IL1RN: variants seen among roughly 807,000 people sequenced by gnomAD.
The protein encoded by IL1RN is interleukin 1 receptor antagonist, also known as interleukin-1 receptor antagonist protein.
In IL1RN, 10 loss-of-function variants were observed where a neutral mutation model predicts 13.7. That is an observed-to-expected ratio of 0.73 (90% confidence interval 0.45 to 1.24). The LOEUF is 1.24. Among genes scored for constraint, IL1RN ranks in the 50% most tolerant of loss-of-function variants. The pLI is 0.00. For synonymous variants in IL1RN, 102 were observed against 82.7 expected, an observed-to-expected ratio of 1.23 and a Z score of -1.27; for missense variants, 213 against 222.1, an observed-to-expected ratio of 0.96 and a Z score of 0.26.
chr2:113,129,488 A>C (rs1573305126), intron 1 of IL1RN, 88 bp from the exon 2 acceptor site: 1 of 837,762 alleles, frequency 1.2e-6, no homozygotes, highest in Non-Finnish European at 2.1e-6. Context: ...TGCAAATTTG[A>C]CAAGTTCTGG....
At chr2:113,102,071 A>G in the IL1RN span, among the ~76,000 whole-genome samples, 1 of 152,052 alleles carries the variant, frequency 6.6e-6, no homozygotes, top group Admixed American at 6.6e-5. Flanking sequence ...CCCGCCCGAG[A>G]CTTTTTTTCT....
upstream of IL1RN, among the ~76,000 whole-genome samples, chr2:113,124,911 G>A (rs1376352848): frequency 6.6e-6 from 1 of 152,136 alleles, no homozygotes; most frequent in Non-Finnish European, 1.5e-5. Context: ...GGAGGTTCCA[G>A]GAGCCCCGAG....
chr2:113,109,637 T>A (rs769234536), upstream of IL1RN, among the ~76,000 whole-genome samples: 11 of 151,726 alleles, frequency 7.2e-5, no homozygotes, highest in Non-Finnish European at 1.3e-4. Flanking sequence ...GAGAGCTGGG[T>A]TCACCCTTTT....
intron 3 of IL1RN, among the ~76,000 whole-genome samples, chr2:113,132,399 G>C (rs45599835): frequency 1.3e-4 from 20 of 152,236 alleles, no homozygotes; most frequent in Non-Finnish European, 2.6e-4. Flanking sequence ...AGTGAGCCGA[G>C]ATTGTGCCAC....
chr2:113,119,439 G>A (rs1686692797), intron 1 of IL1RN, among the ~76,000 whole-genome samples: 2 of 152,214 alleles, frequency 1.3e-5, no homozygotes, highest in South Asian at 2.1e-4. Flanking sequence ...ACTACACTAT[G>A]CTATGGGGGC....
At chr2:113,099,728 CT>C in the IL1RN span, among the ~76,000 whole-genome samples, 9 of 41,468 alleles carry the variant, frequency 2.2e-4, no homozygotes, top group East Asian at 3.7e-3. Flanking sequence ...TCTTTCTTTT[CT>C]TTTTTTTTTT....
chr2:113,107,209 T>C (rs1686400214), upstream of IL1RN: 1 of 152,224 alleles, frequency 6.6e-6, no homozygotes, highest in African/African-American at 2.4e-5. Flanking sequence ...TAGATGAATC[T>C]ACAGATCTCA....
At chr2:113,125,036 G>T (rs909801534), upstream of IL1RN, among the ~76,000 whole-genome samples, 7 of 152,174 alleles carry the variant, frequency 4.6e-5, no homozygotes, top group Admixed American at 3.9e-4. Context: ...GAAGGCAGTG[G>T]CCAGGATGGA....
chr2:113,119,244 C>CG (rs1686685964), intron 1 of IL1RN, among the ~76,000 whole-genome samples: 1 of 152,116 alleles, frequency 6.6e-6, no homozygotes, highest in Non-Finnish European at 1.5e-5. Context: ...AGCTAGGCGC[C>CG]TTGCTGAGCA....
chr2:113,131,360 C>G (rs927538064), intron 3 of IL1RN, among the ~76,000 whole-genome samples: 1 of 152,224 alleles, frequency 6.6e-6, no homozygotes, highest in Non-Finnish European at 1.5e-5. Context: ...CCCTCATCCT[C>G]CAGGCTCTCT....
upstream of IL1RN, among the ~76,000 whole-genome samples, chr2:113,113,281 G>T (rs1327535629): frequency 6.6e-6 from 1 of 152,190 alleles, no homozygotes; most frequent in African/African-American, 2.4e-5. Flanking sequence ...AACATGGATG[G>T]ACCTGGAGGG....
Position 113,132,711 on chromosome 2 carries a change from T to G in IL1RN, c.374T>G (p.Phe125Cys), listed in dbSNP as rs1253995385. 12 of 1,614,126 alleles carry G rather than the reference T, an allele frequency of 7.4e-6. No individual in the cohort carries two copies. The highest frequency in any genetic ancestry group is 1.3e-5 in the African/African-American group (1 of 74,948). Residue 125 changes from phenylalanine (F) to cysteine (C), a missense_variant, in exon 4 of 4, where the codon TTC (phenylalanine) becomes TGC (cysteine). Physicochemically the swap from Phe to Cys is radical, Grantham distance 205 (BLOSUM62 -2). Transcript: ENST00000409930. ...ENRKQDKRFA[F>C]IRSDSGPTTS... ...AGAAAGCAGGACAAGCGCTTCGCCT[T>G]CATCCGCTCAGACAGTGGCCCCACC... is the stretch of plus-strand genomic sequence containing the variant.
chr2:113,127,533 G>A, upstream of IL1RN: 1 of 1,528,794 alleles, frequency 6.5e-7, no homozygotes, highest in Non-Finnish European at 8.8e-7. Flanking sequence ...GGGGCAGGGT[G>A]GCAGACGCCT....
exon 1 of IL1RN, chr2:113,117,994 C>A (rs757997708): frequency 1.4e-6 from 2 of 1,399,468 alleles, no homozygotes; most frequent in Non-Finnish European, 2.0e-6. Context: ...CCTCAGAAGA[C>A]CTCCTGTCCT....
In IL1RN at chr2:113,127,686, C is replaced by T; in HGVS notation, c.62C>T (p.Ser21Leu). 6.2e-7 allele frequency: 1 copy of T among 1,614,122 alleles called. No homozygotes were observed. The highest frequency in any genetic ancestry group is 2.2e-5 in the East Asian group (1 of 44,858). Residue 21 changes from serine to leucine, a missense_variant, in exon 1 of 4, where the codon TCA becomes TTA. Coordinates refer to ENST00000409930, the MANE Select transcript of IL1RN (RefSeq NM_173842.3). ...ACTCTCCTCCTCTTCCTGTTCCATTCAGAGACGATCTGCCGACCCTCTGGG... is the reference window on the plus strand; with the variant it reads ...ACTCTCCTCCTCTTCCTGTTCCATTTAGAGACGATCTGCCGACCCTCTGGG... ...LITLLLFLFH[S>L]ETICRPSGRK...
chr2:113,117,099 C>T (rs989901971), upstream of IL1RN, among the ~76,000 whole-genome samples: 1 of 152,228 alleles, frequency 6.6e-6, no homozygotes, highest in African/African-American at 2.4e-5. Flanking sequence ...AGACATGAAG[C>T]TACAAGCAGG....
At chr2:113,127,017 T>C (rs1473375157), upstream of IL1RN, among the ~76,000 whole-genome samples, 1 of 152,252 alleles carries the variant, frequency 6.6e-6, no homozygotes, top group Non-Finnish European at 1.5e-5. Context: ...AAAGTTGTAG[T>C]GGAACACAGC....
At chr2:113,119,958 A>C in intron 1 of IL1RN, 5 of 852,890 alleles carry the variant, frequency 5.9e-6, no homozygotes, top group Non-Finnish European at 9.9e-6. Flanking sequence ...GGTAAAGGAT[A>C]GAGATGGAAC....
chr2:113,127,830 G>A (rs1573302087), intron 1 of IL1RN, 90 bp downstream of exon 1: 1 of 1,342,868 alleles, frequency 7.4e-7, no homozygotes, highest in Non-Finnish European at 1.1e-6. Flanking sequence ...AGGCCCCAGA[G>A]GGCCTGAGAA....
Sources: allele counts gnomAD v4.1 joint callset (sites outside exome capture counted in the v4.1 genomes callset), GRCh38; gene constraint gnomAD v4.1.1; transcripts MANE v1.5; gene names NCBI Gene and HGNC (gene_info 2026-07-23, HGNC 2026-07-21).